The following ESRRB variants were observed in gnomAD, a reference collection of about 807,000 sequenced individuals.
ESRRB encodes the protein estrogen related receptor beta.
A neutral mutation model predicts 46.0 loss-of-function variants in ESRRB; 16 were observed. The observed-to-expected ratio is 0.35, with a 90% confidence interval of 0.24 to 0.53. The LOEUF (loss-of-function observed/expected upper bound fraction) is 0.53. Ranked by LOEUF, ESRRB falls within the 20% of genes least tolerant of loss-of-function variation. ESRRB has a pLI of 0.93. For synonymous variants in ESRRB, 246 were observed against 259.6 expected (o/e 0.95, Z 0.50); for missense variants, 488 against 607.4 (o/e 0.80, Z 2.07).
chr14:76,396,282 T>C (rs1193795933), intron 1 of ESRRB, among the ~76,000 whole-genome samples: 2 of 152,084 alleles, frequency 1.3e-5, no homozygotes, highest in Non-Finnish European at 2.9e-5. Flanking sequence ...AAAATAAAAA[T>C]CAAGTAGCTG....
rs1890213956 is a variant in ESRRB at position 76,491,297 on chromosome 14, A to G, written c.851-150A>G. The G allele has an allele frequency of 1.1e-5, 8 of 721,684 alleles. 1 individual carries two copies. In the South Asian group the frequency reaches 1.4e-4, roughly 13 times the overall value. The allele number at this position is 721,684 out of a possible 1,614,324, so 44.7% of individuals were successfully genotyped here. A position where few individuals can be genotyped will look rare whatever the true frequency, so the allele number is the denominator to read the frequency against. On this transcript the variant is annotated intron_variant, in intron 5 of 6. Coordinates refer to ENST00000644823, the MANE Select transcript of ESRRB (RefSeq NM_001379180.1). ...GGGAGGACAGTGAGTCTTACGCTACACAGGGAAAGCCTGGGGGCAGGATCC... is the reference window on the plus strand; with the variant it reads ...GGGAGGACAGTGAGTCTTACGCTACGCAGGGAAAGCCTGGGGGCAGGATCC...
intron 1 of ESRRB, among the ~76,000 whole-genome samples, chr14:76,426,964 C>A (rs1374028910): frequency 6.6e-6 from 1 of 152,160 alleles, no homozygotes; most frequent in African/African-American, 2.4e-5. Flanking sequence ...GAGAAGCCCC[C>A]TTGAGTAAAC....
rs1887811965 is a variant in ESRRB, at chr14:76,439,354, A to T, written c.64A>T (p.Met22Leu). ...LGYHNQLLNR[M>L]SSDDRHLGSS... ...TTGTGTCCACAGGCTGCTGAACAGG[A>T]TGTCCTCGGACGACAGGCACCTGGG... The change falls in exon 2 of 7, where the codon ATG (methionine) becomes TTG (leucine). Residue 22 changes from methionine (M) to leucine (L), a missense_variant. Transcript: ENST00000644823. 7 of 1,613,588 alleles carry T rather than the reference A, an allele frequency of 4.3e-6. No individual in the cohort carries two copies. The highest frequency in any genetic ancestry group is 5.1e-6 in the Non-Finnish European group (6 of 1,180,016).
chr14:76,480,387 G>T (rs567230635), intron 3 of ESRRB, among the ~76,000 whole-genome samples: 1 of 152,272 alleles, frequency 6.6e-6, no homozygotes, highest in African/African-American at 2.4e-5. Flanking sequence ...AGAGGGGTGG[G>T]GGGTAGTGTC....
intron 1 of ESRRB, among the ~76,000 whole-genome samples, chr14:76,400,135 C>T (rs550635266): frequency 1.3e-5 from 2 of 152,322 alleles, no homozygotes; most frequent in South Asian, 4.1e-4. Flanking sequence ...GATACACACC[C>T]CCTCCTGCTC....
chr14:76,439,384 A>C lies in ESRRB; in HGVS notation c.94A>C (p.Ser32Arg). Reference protein sequence around the residue: ...MSSDDRHLGSSCGSFIKTEPS... With the variant: ...MSSDDRHLGSRCGSFIKTEPS... ...CTCGGACGACAGGCACCTGGGCTCC[A>C]GCTGCGGCTCCTTCATCAAGACTGA... is the stretch of plus-strand genomic sequence containing the variant. The change falls in exon 2 of 7, where the codon AGC (serine) becomes CGC (arginine). Residue 32 changes from serine to arginine, a missense_variant. Physicochemically the swap from Ser to Arg is moderately radical, Grantham distance 110. Coordinates refer to ENST00000644823, the MANE Select transcript of ESRRB (RefSeq NM_001379180.1). 1 of 1,613,672 alleles carries C rather than the reference A, an allele frequency of 6.2e-7. No individual in the cohort carries two copies.
At chr14:76,476,354 T>G (rs1341638023) in intron 3 of ESRRB, among the ~76,000 whole-genome samples, 2 of 152,258 alleles carry the variant, frequency 1.3e-5, no homozygotes, top group African/African-American at 4.8e-5. Flanking sequence ...AATGCTTTTT[T>G]GCATTCAGAA....
In ESRRB at chr14:76,401,504, G is replaced by A. The variant is rs114517969; in HGVS notation, c.50+25053G>A. 2.2e-3 allele frequency among the ~76,000 whole-genome samples: 339 copies of A among 152,338 alleles called. 4 individuals carry two copies. The highest frequency in any genetic ancestry group is 7.8e-3 in the African/African-American group (326 of 41,570). ...GCCAAAGAAACAGAACCAATACGAT[G>A]TATAGTCATGTGCCACATAATGACA... is the stretch of plus-strand genomic sequence containing the variant. On this transcript the variant is annotated intron_variant, in intron 1 of 6. Transcript: ENST00000644823.
intron 1 of ESRRB, among the ~76,000 whole-genome samples, chr14:76,352,018 C>T (rs1408808993): frequency 7.1e-6 from 1 of 141,792 alleles, no homozygotes; most frequent in African/African-American, 2.6e-5. Context: ...AAGCAAACTC[C>T]AAGAAAGCAA....
chr14:76,359,351 A>C (rs1884435953), intron 1 of ESRRB, among the ~76,000 whole-genome samples: 1 of 152,250 alleles, frequency 6.6e-6, no homozygotes, highest in Non-Finnish European at 1.5e-5. Flanking sequence ...AACTATTGGC[A>C]TTATATCTTT....
chr14:76,487,015 C>T (rs976963311), intron 5 of ESRRB, among the ~76,000 whole-genome samples: 1 of 152,072 alleles, frequency 6.6e-6, no homozygotes, highest in African/African-American at 2.4e-5. Context: ...ACAGATGGGT[C>T]GAAATTAAGA....
chr14:76,485,646 AG>A (rs1889983120), intron 5 of ESRRB, among the ~76,000 whole-genome samples: 1 of 151,620 alleles, frequency 6.6e-6, no homozygotes, highest in Non-Finnish European at 1.5e-5. Flanking sequence ...AGAGAGAGAG[AG>A]AGAGAGAGAG....
intron 3 of ESRRB, among the ~76,000 whole-genome samples, chr14:76,464,159 G>A (rs1238720361): frequency 1.3e-5 from 2 of 152,196 alleles, no homozygotes; most frequent in African/African-American, 2.4e-5. Flanking sequence ...AGAAGTGGGA[G>A]GAAACAGGAA....
Position 76,460,285 on chromosome 14 carries a change from C to A in ESRRB, c.461-2260C>A, listed in dbSNP as rs563609807. ...CAGTGGGGCAGCACTTCCAATTTCC[C>A]CATCCTCCTTGTGAGATACAGGGTG... On this transcript the variant is annotated intron_variant, in intron 2 of 6. Transcript: ENST00000644823. 2.0e-5 allele frequency among the ~76,000 whole-genome samples: 3 copies of A among 152,328 alleles called. No individual in the cohort carries two copies. The East Asian group carries it at 5.8e-4, about 29-fold the overall frequency.
At chr14:76,479,494 T>C (rs369496394) in intron 3 of ESRRB, among the ~76,000 whole-genome samples, 6 of 152,300 alleles carry the variant, frequency 3.9e-5, no homozygotes, top group African/African-American at 1.4e-4. Context: ...AAATGTCAGT[T>C]ACAAAACCTG....
intron 1 of ESRRB, among the ~76,000 whole-genome samples, chr14:76,435,492 T>C (rs1887634539): frequency 6.6e-6 from 1 of 152,112 alleles, no homozygotes; most frequent in Non-Finnish European, 1.5e-5. Context: ...AAATACACAT[T>C]GACAGTTCCT....
At chr14:76,371,096 T>C (rs1288889246), upstream of ESRRB, among the ~76,000 whole-genome samples, 1 of 152,216 alleles carries the variant, frequency 6.6e-6, no homozygotes, top group African/African-American at 2.4e-5. Flanking sequence ...GTGGCAGCAG[T>C]GCTAATAGGA....
intron 1 of ESRRB, among the ~76,000 whole-genome samples, chr14:76,378,616 A>C (rs1469743388): frequency 1.3e-5 from 2 of 152,106 alleles, no homozygotes; most frequent in Non-Finnish European, 2.9e-5. Flanking sequence ...AAAGCCCAGG[A>C]CCCACTGGGC....
intron 2 of ESRRB, among the ~76,000 whole-genome samples, chr14:76,444,230 G>A (rs145020128): frequency 0.013 from 2,032 of 152,000 alleles, 44 homozygotes; most frequent in African/African-American, 0.047. Context: ...ACGGGGTTTC[G>A]TCATGTTGGC....
Sources: allele counts gnomAD v4.1 joint callset (sites outside exome capture counted in the v4.1 genomes callset), GRCh38; gene constraint gnomAD v4.1.1; transcripts MANE v1.5; gene names NCBI Gene and HGNC (gene_info 2026-07-23, HGNC 2026-07-21).